Variants in DNM2 observed in about 807,000 individuals in gnomAD.
DNM2 encodes the protein dynamin 2, also known as dynamin-2.
In DNM2, 15 loss-of-function variants were observed where a neutral mutation model predicts 99.0. The ratio of observed to expected loss-of-function variants is 0.15; its 90% CI spans 0.10 to 0.23. The LOEUF (loss-of-function observed/expected upper bound fraction) is 0.23, where lower values mean the gene tolerates loss of function less well. Among genes scored for constraint, DNM2 ranks in the 10% least tolerant of loss-of-function variants. The pLI is 1.00. For missense variants in DNM2, 742 were observed against 1,189.4 expected, an observed-to-expected ratio of 0.62 and a Z score of 5.53; for synonymous variants, 525 against 481.2, an observed-to-expected ratio of 1.09 and a Z score of -1.19.
At position 10,825,187 on chromosome 19, in the gene DNM2, T is replaced by C; in HGVS notation, c.2024T>C (p.Met675Thr). Residue 675 changes from methionine to threonine, a missense_variant, in exon 18 of 21, where the codon ATG becomes ACG. Around this residue, in one of 7 missense-constraint regions of DNM2, gnomAD observed 240 missense variants for 431.3 expected, o/e 0.56. Coordinates refer to ENST00000389253, the MANE Select transcript of DNM2 (RefSeq NM_001005361.3). ...AIINKSIRDL[M>T]PKTIMHLMIN... ...ATCAACAAGTCCATCCGCGACCTCA[T>C]GCCAAAGACCATCATGCACCTCATG... 1 of 1,614,160 alleles carries C rather than the reference T, an allele frequency of 6.2e-7. No homozygotes were observed.
At chr19:10,824,725 G>A in intron 17 of DNM2, 1 of 385,438 alleles carries the variant, frequency 2.6e-6, no homozygotes. Context: ...GATCACTTGA[G>A]CTCTCCCTGG....
rs62131779 is a variant in DNM2 at position 10,726,801 on chromosome 19, T to C, written c.161+8398T>C. Among the ~76,000 whole-genome samples, 169 of 152,110 alleles carry C rather than the reference T, an allele frequency of 1.1e-3. 1 individual carries two copies. The highest frequency in any genetic ancestry group is 2.0e-3 in the Non-Finnish European group (137 of 68,032). ...TCGCTTGAACCTGGGGGACGGAGGT[T>C]GCGGTAAGCCGAGATTGCGCCGCTG... On this transcript the variant is annotated intron_variant, in intron 1 of 20. Coordinates refer to ENST00000389253, the MANE Select transcript of DNM2 (RefSeq NM_001005361.3).
At chr19:10,722,378 AAGG>A (rs1328977509) in intron 1 of DNM2, among the ~76,000 whole-genome samples, 1 of 152,092 alleles carries the variant, frequency 6.6e-6, no homozygotes, top group African/African-American at 2.4e-5. Context: ...CCTAAGGAGA[AAGG>A]AGGGCATCAC....
rs565307796 is a variant in DNM2 at position 10,761,411 on chromosome 19, A to C, written c.235+1600A>C. Among the ~76,000 whole-genome samples, 63 of 151,598 alleles carry C rather than the reference A, an allele frequency of 4.2e-4. 1 individual carries two copies. In the South Asian group the frequency reaches 0.013, roughly 31 times the overall value. On this transcript the variant is annotated intron_variant, in intron 2 of 20. Transcript: ENST00000389253. ...ATCTCAGTGTATTTCTATTCTTCCC[A>C]CCCGAGGCTGACATGAGGTGGGCGT...
rs186007214 is a variant in DNM2 at position 10,789,922 on chromosome 19, C to G, written c.992+3216C>G. 1.4e-4 allele frequency among the ~76,000 whole-genome samples: 21 copies of G among 152,358 alleles called. No individual in the cohort carries two copies. The East Asian group carries it at 3.1e-3, about 22-fold the overall frequency. ...GGACTGGGCCAGGGGATGCCCATCA[C>G]AAACAGTCCCTGTCCCCCGGGGCTT... On this transcript the variant is annotated intron_variant, in intron 7 of 20. Transcript: ENST00000389253.
intron 14 of DNM2, chr19:10,809,450 G>A (rs2072463570): frequency 6.6e-6 from 1 of 152,330 alleles, no homozygotes; most frequent in Non-Finnish European, 1.5e-5. Flanking sequence ...TGGCTCCCGA[G>A]ATGAATCATA....
In DNM2 at chr19:10,808,592, C is replaced by T. The variant is rs1379983666; in HGVS notation, c.1557+12C>T. ...AGGGGGAGATCCTGGTAAGTACATG[C>T]TTAGTGTGGTAGCAAACATTAGAGA... On this transcript the variant is annotated intron_variant, in intron 14 of 20. Transcript: ENST00000389253. 9 of 1,611,834 alleles carry T rather than the reference C, an allele frequency of 5.6e-6. No individual in the cohort carries two copies. The Admixed American group carries it at 1.5e-4, about 27-fold the overall frequency.
At chr19:10,720,208 A>AT (rs1568259868) in intron 1 of DNM2, among the ~76,000 whole-genome samples, 2 of 142,228 alleles carry the variant, frequency 1.4e-5, no homozygotes, top group African/African-American at 5.5e-5. Context: ...TATTTTATTT[A>AT]TTTATTTATT....
chr19:10,755,994 C>T (rs767253528), intron 1 of DNM2, among the ~76,000 whole-genome samples: 59 of 152,206 alleles, frequency 3.9e-4, no homozygotes, highest in Non-Finnish European at 7.8e-4. Context: ...GTGCAAGATG[C>T]CAAGTGTCCC....
intron 2 of DNM2, among the ~76,000 whole-genome samples, chr19:10,771,918 G>A (rs1049250687): frequency 3.3e-5 from 5 of 152,010 alleles, no homozygotes; most frequent in African/African-American, 4.8e-5. Context: ...ACATGGGAAC[G>A]TAATCTTCAG....
chr19:10,830,182 G>A lies in DNM2; in HGVS notation c.2347G>A (p.Ala783Thr). The A allele has an allele frequency of 6.2e-7, 1 of 1,613,412 alleles. No individual in the cohort carries two copies. The highest frequency in any genetic ancestry group is 2.2e-5 in the East Asian group (1 of 44,866). Residue 783 changes from alanine (A) to threonine (T), a missense_variant, in exon 20 of 21, where the codon GCA (alanine) becomes ACA (threonine). This residue lies in a region of DNM2 where 187 missense variants were observed against 218.8 expected (regional missense o/e 0.85). Transcript: ENST00000389253. This position sits in a 1 kb window ranked among gnomAD's most constrained non-coding sequence, Gnocchi z 4.8. ...SSIHPPGRPP[A>T]VRGPTPGPPL... ...CATACACCCCCCTGGCCGGCCCCCA[G>A]CAGTGAGGGGCCCCACTCCAGGGCC...
At chr19:10,738,747 G>A (rs1281303871) in intron 1 of DNM2, among the ~76,000 whole-genome samples, 1 of 151,952 alleles carries the variant, frequency 6.6e-6, no homozygotes, top group East Asian at 1.9e-4. Flanking sequence ...GTGGGTGCCT[G>A]TAATCCCAGC....
intron 1 of DNM2, among the ~76,000 whole-genome samples, chr19:10,732,268 A>T (rs906171197): frequency 3.5e-5 from 5 of 142,062 alleles, no homozygotes; most frequent in Non-Finnish European, 4.6e-5. Context: ...TTTCTGTTAA[A>T]GGAGTTATTC....
At chr19:10,731,454 G>T (rs1376759218) in intron 1 of DNM2, among the ~76,000 whole-genome samples, 1 of 151,322 alleles carries the variant, frequency 6.6e-6, no homozygotes, top group Non-Finnish European at 1.5e-5. Flanking sequence ...CTGGGTTCAA[G>T]TGATTCTCCT....
At chr19:10,800,165 A>G (rs1473910287) in intron 11 of DNM2, among the ~76,000 whole-genome samples, 2 of 152,140 alleles carry the variant, frequency 1.3e-5, no homozygotes, top group East Asian at 3.9e-4. Context: ...ATCTGTTTTG[A>G]GTCACTTTCT....
intron 18 of DNM2, among the ~76,000 whole-genome samples, chr19:10,828,414 T>G (rs1163606167): frequency 6.6e-6 from 1 of 151,102 alleles, no homozygotes; most frequent in African/African-American, 2.4e-5. Flanking sequence ...GGTGAAACCC[T>G]GTCTCTACTA....
intron 1 of DNM2, among the ~76,000 whole-genome samples, chr19:10,749,363 C>T (rs1194206722): frequency 3.3e-5 from 5 of 152,226 alleles, no homozygotes; most frequent in African/African-American, 9.6e-5. Flanking sequence ...CCTCTCCCAT[C>T]GCTGCTGGGT....
At chr19:10,773,415 G>A (rs1342353125) in intron 3 of DNM2, among the ~76,000 whole-genome samples, 4 of 149,734 alleles carry the variant, frequency 2.7e-5, no homozygotes, top group Non-Finnish European at 5.9e-5. Context: ...CCAAAATGCT[G>A]GGATTACAGA....
At chr19:10,746,359 G>A (rs890365328) in intron 1 of DNM2, among the ~76,000 whole-genome samples, 1 of 152,172 alleles carries the variant, frequency 6.6e-6, no homozygotes, top group African/African-American at 2.4e-5. Context: ...GGGGGCACTT[G>A]GGAACTGTCA....
Sources: gnomAD v4.1 joint callset for allele counts (sites outside exome capture counted in the v4.1 genomes callset) on GRCh38, gnomAD v4.1.1 for gene constraint, gnomAD v4.1.1 regional missense constraint, Gnocchi (gnomAD v3.1) non-coding constraint, MANE v1.5 for transcripts, NCBI Gene and HGNC (gene_info 2026-07-23, HGNC 2026-07-21) for gene names.